DNAH9: variants seen among roughly 807,000 people sequenced by gnomAD.
DNAH9 encodes DNAH9 variant protein.
Under a neutral mutation model 471.6 loss-of-function variants are expected in DNAH9, and 345 were observed. The observed-to-expected ratio is 0.73, with a 90% CI of 0.67 to 0.80. The LOEUF (loss-of-function observed/expected upper bound fraction) is 0.80, where lower values mean the gene tolerates loss of function less well. Ranked by LOEUF, DNAH9 falls within the 30% of genes least tolerant of loss-of-function variation. The pLI, the probability that DNAH9 is intolerant of heterozygous loss-of-function variation, is 0.00. For synonymous variants in DNAH9, 2,093 were observed against 2,123.6 expected (o/e 0.99, Z 0.40); for missense variants, 5,407 against 5,609.2 (o/e 0.96, Z 1.15).
At chr17:11,736,959 G>A (rs1046003804) in intron 28 of DNAH9, among the ~76,000 whole-genome samples, 1 of 152,176 alleles carries the variant, frequency 6.6e-6, no homozygotes, top group Non-Finnish European at 1.5e-5. Flanking sequence ...TTTATGGATG[G>A]GAAGACTGGG....
chr17:11,943,038 G>A (rs536782097), intron 67 of DNAH9, among the ~76,000 whole-genome samples: 5 of 151,890 alleles, frequency 3.3e-5, no homozygotes, highest in African/African-American at 1.2e-4. Flanking sequence ...TGGGACTACA[G>A]GTGCCCGCCA....
At chr17:11,905,943 A>T in intron 61 of DNAH9, 134 bp downstream of exon 61, 1 of 1,193,596 alleles carries the variant, frequency 8.4e-7, no homozygotes, top group Non-Finnish European at 1.1e-6. Context: ...AGTCAGGGTC[A>T]TTGCTGAAAT....
intron 17 of DNAH9, among the ~76,000 whole-genome samples, chr17:11,675,276 C>T (rs796504941): frequency 3.9e-5 from 6 of 152,094 alleles, no homozygotes; most frequent in African/African-American, 1.4e-4. Context: ...TGATTTTGTA[C>T]ATTGATTTCA....
At position 11,629,540 on chromosome 17, in the gene DNAH9, C is replaced by T. The variant is rs200240255; in HGVS notation, c.1474C>T (p.Leu492Phe). 5.6e-6 allele frequency: 9 copies of T among 1,614,128 alleles called. No individual in the cohort carries two copies. Among genetic ancestry groups the T allele is most frequent in the Middle Eastern group, 1.7e-4 (1 of 6,040 alleles). ...MHEEFQEMYR[L>F]LSGSSSDCLY... ...TGAAGAATTTCAAGAGATGTACAGG[C>T]TTCTCTCAGGATCCTCCTCCGACTG... is the stretch of plus-strand genomic sequence containing the variant. Residue 492 changes from leucine (L) to phenylalanine (F), a missense_variant, in exon 7 of 69, where the codon CTT becomes TTT. Transcript: ENST00000262442.
At chr17:11,846,399 A>G (rs917394338) in intron 49 of DNAH9, among the ~76,000 whole-genome samples, 8 of 151,604 alleles carry the variant, frequency 5.3e-5, no homozygotes, top group African/African-American at 7.3e-5. Context: ...TGTTTTGGTT[A>G]CTGTAGCCTT....
chr17:11,809,729 T>A (rs538136114), intron 44 of DNAH9, among the ~76,000 whole-genome samples: 1 of 152,196 alleles, frequency 6.6e-6, no homozygotes, highest in South Asian at 2.1e-4. Flanking sequence ...TACATATAAG[T>A]AAGACGTAAG....
At chr17:11,701,323 C>G (rs2074591230) in intron 24 of DNAH9, 76 bp downstream of exon 24, 1 of 1,520,792 alleles carries the variant, frequency 6.6e-7, no homozygotes, top group South Asian at 1.2e-5. Context: ...CCTTCAGCAG[C>G]TGGTAGATAT....
At chr17:11,924,522 T>A (rs556099026) in intron 62 of DNAH9, among the ~76,000 whole-genome samples, 1 of 151,818 alleles carries the variant, frequency 6.6e-6, no homozygotes, top group East Asian at 1.9e-4. Context: ...AATTTAGCCC[T>A]CTCTATTAAC....
intron 59 of DNAH9, among the ~76,000 whole-genome samples, chr17:11,898,228 G>A (rs945829177): frequency 4.0e-5 from 6 of 151,848 alleles, no homozygotes; most frequent in Non-Finnish European, 7.4e-5. Context: ...GGGTTCAAGC[G>A]ATTCTCCTGA....
intron 48 of DNAH9, among the ~76,000 whole-genome samples, chr17:11,825,627 T>C: frequency 6.6e-6 from 1 of 152,194 alleles, no homozygotes; most frequent in Admixed American, 6.5e-5. Flanking sequence ...CTGCACATAG[T>C]GGAGAATCCT....
intron 38 of DNAH9, among the ~76,000 whole-genome samples, chr17:11,774,373 G>A (rs1254997198): frequency 6.6e-6 from 1 of 152,108 alleles, no homozygotes. Flanking sequence ...TTCTCACACT[G>A]CTATAAAGAC....
At chr17:11,866,453 G>T (rs930230165) in intron 50 of DNAH9, among the ~76,000 whole-genome samples, 1 of 152,134 alleles carries the variant, frequency 6.6e-6, no homozygotes, top group Admixed American at 6.5e-5. Flanking sequence ...CAGTTAGGCT[G>T]CTCAGGGGTC....
intron 41 of DNAH9, among the ~76,000 whole-genome samples, chr17:11,792,119 T>TA (rs1000312442): frequency 8.6e-5 from 13 of 151,980 alleles, no homozygotes; most frequent in Middle Eastern, 3.4e-3. Context: ...CCATCTCTAC[T>TA]AAAAATTAGC....
chr17:11,666,303 C>G (rs571973957), intron 15 of DNAH9, among the ~76,000 whole-genome samples: 1 of 152,278 alleles, frequency 6.6e-6, no homozygotes, highest in African/African-American at 2.4e-5. Context: ...AGGCAGTGCA[C>G]TAGAAGTGGT....
At chr17:11,874,420 C>T (rs1279526141) in intron 52 of DNAH9, among the ~76,000 whole-genome samples, 1 of 152,088 alleles carries the variant, frequency 6.6e-6, no homozygotes, top group Non-Finnish European at 1.5e-5. Flanking sequence ...TTGCAAGAGT[C>T]CTGCAAGTGA....
chr17:11,766,835 T>C (rs1967960755), intron 36 of DNAH9, among the ~76,000 whole-genome samples: 5 of 151,988 alleles, frequency 3.3e-5, no homozygotes, highest in Admixed American at 3.3e-4. Flanking sequence ...TTGGGCATGG[T>C]GGCGGGTGCC....
At chr17:11,890,324 C>A (rs1239939536) in intron 57 of DNAH9, among the ~76,000 whole-genome samples, 2 of 151,926 alleles carry the variant, frequency 1.3e-5, no homozygotes, top group Non-Finnish European at 2.9e-5. Flanking sequence ...GTGAAGGTAA[C>A]CATTACAATG....
chr17:11,874,967 C>T lies in DNAH9; in HGVS notation c.10261C>T (p.Pro3421Ser). ...SQLKTPIPVTPALDPLRMLMD... is the reference protein window; with the variant it reads ...SQLKTPIPVTSALDPLRMLMD... ...TCACCAGACTCCCATTCCAGTCACC[C>T]CAGCCCTGGATCCCCTGAGGATGCT... Residue 3421 changes from proline (P) to serine (S), a missense_variant, in exon 53 of 69, where the codon CCA becomes TCA. Coordinates refer to ENST00000262442, the MANE Select transcript of DNAH9 (RefSeq NM_001372.4). The T allele has an allele frequency of 6.2e-7, 1 of 1,613,926 alleles. No individual in the cohort carries two copies. Among genetic ancestry groups the T allele is most frequent in the Non-Finnish European group, 8.5e-7 (1 of 1,179,920 alleles).
Position 11,736,856 on chromosome 17 carries a change from T to C in DNAH9, c.5815-2024T>C, listed in dbSNP as rs181488483. ...AACAGCAGAAAAGGTCCCAGGCTCG[T>C]GCCTTAGTCTTCGCCCAAAGGTAGC... is the stretch of plus-strand genomic sequence containing the variant. On this transcript the variant is annotated intron_variant, in intron 28 of 68. Transcript: ENST00000262442. Among the ~76,000 whole-genome samples the C allele has an allele frequency of 2.7e-4, 41 of 152,346 alleles. No individual in the cohort carries two copies. In the South Asian group the frequency reaches 4.6e-3, roughly 17 times the overall value.
Sources: allele counts gnomAD v4.1 joint callset (sites outside exome capture counted in the v4.1 genomes callset), GRCh38; gene constraint gnomAD v4.1.1; transcripts MANE v1.5; gene names NCBI Gene and HGNC (gene_info 2026-07-23, HGNC 2026-07-21).